Variants in ZDHHC22 observed in about 807,000 individuals in gnomAD.
ZDHHC22 encodes zDHHC palmitoyltransferase 22, also known as palmitoyltransferase ZDHHC22.
In ZDHHC22, 13 loss-of-function variants were observed where a neutral mutation model predicts 17.0. That is an observed-to-expected ratio of 0.76 (90% CI 0.50 to 1.21). The LOEUF is 1.21. Ranked by LOEUF, ZDHHC22 falls within the 50% of genes most tolerant of loss-of-function variation. The pLI is 0.00. For missense variants in ZDHHC22, 319 were observed against 342.3 expected, an observed-to-expected ratio of 0.93 and a Z score of 0.54; for synonymous variants, 138 against 154.7, an observed-to-expected ratio of 0.89 and a Z score of 0.80.
chr14:77,139,638 A>T lies in ZDHHC22; in HGVS notation c.101T>A (p.Met34Lys). ...CCGGGCGGCCGCGGGGTCCTCGCGCATGCTGGGCAGGAAGAGGAAGAGCTG... is the reference window on the plus strand; with the variant it reads ...CCGGGCGGCCGCGGGGTCCTCGCGCTTGCTGGGCAGGAAGAGGAAGAGCTG... ...VLQLFLFLPS[M>K]REDPAAARLF... The change falls in exon 2 of 3, where the codon ATG becomes AAG. Residue 34 changes from methionine to lysine, a missense_variant. Transcript: ENST00000319374. The T allele has an allele frequency of 6.3e-7, 1 of 1,578,814 alleles. No individual in the cohort carries two copies. Among genetic ancestry groups the T allele is most frequent in the East Asian group, 2.3e-5 (1 of 43,426 alleles).
chr14:77,139,050 T>G (rs1887190861), intron 2 of ZDHHC22, among the ~76,000 whole-genome samples, 163 bp downstream of exon 2: 1 of 152,194 alleles, frequency 6.6e-6, no homozygotes, highest in African/African-American at 2.4e-5. Flanking sequence ...ATAATTATAC[T>G]AAAAAATTAT....
Position 77,131,286 on chromosome 14 carries a change from A to G in ZDHHC22, c.*2397T>C, listed in dbSNP as rs1267542102. The G allele has an allele frequency of 6.6e-6, 1 of 152,238 alleles. No homozygotes were observed. The allele number at this position is 152,238 out of a possible 1,614,324, so 9.4% of individuals were successfully genotyped here. A position where few individuals can be genotyped will look rare whatever the true frequency, so the allele number is the denominator to read the frequency against. ...CATATCAAATCCAATTTAAAACCAT[A>G]TATTTTATTGATGTTCTTCAAGGAC... On this transcript the variant is annotated 3_prime_UTR_variant, in exon 3 of 3. Transcript: ENST00000319374.
At position 77,140,977 on chromosome 14, in the gene ZDHHC22, G is replaced by C. The variant is rs1226383918; in HGVS notation, c.-15+626C>G. The C allele has an allele frequency of 6.6e-6, 1 of 152,274 alleles. No homozygotes were observed. Among genetic ancestry groups the C allele is most frequent in the Non-Finnish European group, 1.5e-5 (1 of 68,092 alleles). The allele number at this position is 152,274 out of a possible 1,614,324, so 9.4% of individuals were successfully genotyped here. ...TGCACCTAGGATGGGTGGATGCCAC[G>C]GGGCCTCCGTCCAGGCTGTCCCGTC... On this transcript the variant is annotated intron_variant, in intron 1 of 2. Transcript: ENST00000319374. This position sits in a 1 kb window ranked among gnomAD's most constrained non-coding sequence, Gnocchi z 5.9.
At position 77,132,589 on chromosome 14, in the gene ZDHHC22, T is replaced by C. The variant is rs1374218191; in HGVS notation, c.*1094A>G. The C allele has an allele frequency of 6.6e-6, 1 of 152,180 alleles. No homozygotes were observed. Among genetic ancestry groups the C allele is most frequent in the Admixed American group, 6.5e-5 (1 of 15,268 alleles). The allele number at this position is 152,180 out of a possible 1,614,324, so 9.4% of individuals were successfully genotyped here. A position where few individuals can be genotyped will look rare whatever the true frequency, so the allele number is the denominator to read the frequency against. ...ACAGAAATCCCTTCCACAGCATGCC[T>C]GGCAGACGACTGCCTAGACTCTGCT... is the stretch of plus-strand genomic sequence containing the variant. On this transcript the variant is annotated 3_prime_UTR_variant, in exon 3 of 3. Coordinates refer to ENST00000319374, the MANE Select transcript of ZDHHC22 (RefSeq NM_174976.2).
At chr14:77,134,061 G>T in intron 2 of ZDHHC22, 113 bp from the exon 3 acceptor site, 1 of 1,293,132 alleles carries the variant, frequency 7.7e-7, no homozygotes, top group Non-Finnish European at 1.0e-6. Flanking sequence ...TGAGATTGAC[G>T]CTACATTTTG....
At chr14:77,137,703 A>G (rs1887164918) in intron 2 of ZDHHC22, among the ~76,000 whole-genome samples, 1 of 152,194 alleles carries the variant, frequency 6.6e-6, no homozygotes. Context: ...CTGTGTTCCC[A>G]CTGCCAAATG....
At position 77,139,652 on chromosome 14, in the gene ZDHHC22, G is replaced by A. The variant is rs760432221; in HGVS notation, c.87C>T (p.Leu29=). Residue 29 remains leucine (L), a synonymous_variant, in exon 2 of 3, where the codon CTC becomes CTT. Coordinates refer to ENST00000319374, the MANE Select transcript of ZDHHC22 (RefSeq NM_174976.2). ...GGTCCTCGCGCATGCTGGGCAGGAA[G>A]AGGAAGAGCTGCAGCACGAAGGTCA... ...SLVTFVLQLF[L]FLPSMREDPA... is the part of the protein sequence containing the mutation. 5 of 1,574,850 alleles carry A rather than the reference G, an allele frequency of 3.2e-6. No individual in the cohort carries two copies. Among genetic ancestry groups the A allele is most frequent in the African/African-American group, 2.7e-5 (2 of 74,158 alleles).
In ZDHHC22 at chr14:77,139,506, GC is replaced by G; in HGVS notation, c.232del (p.Ala78ProfsTer28). On this transcript the variant is annotated frameshift_variant, in exon 2 of 3. Coordinates refer to ENST00000319374, the MANE Select transcript of ZDHHC22 (RefSeq NM_174976.2). LOFTEE classifies it high-confidence loss of function. ...VIQNSPDDLG[A>X]CQGASARKTP... ...CTTCCTGGCCGAGGCCCCCTGGCAG[GC>G]CCCCAGGTCGTCTGGGGAGTTCTGG... The G allele has an allele frequency of 6.2e-7, 1 of 1,612,178 alleles. No homozygotes were observed.
rs377376073 is a variant in ZDHHC22, at chr14:77,139,589, G to T, written c.150C>A (p.His50Gln). Residue 50 changes from histidine (H) to glutamine (Q), a missense_variant, in exon 2 of 3, where the codon CAC (histidine) becomes CAA (glutamine). By Grantham distance (24) the His-to-Gln change is conservative (BLOSUM62 0). Transcript: ENST00000319374. ...CCGAGAGGAATAGGAAGAGCGCCCC[G>T]TGGAGCAGGGCGGGCGAGAAGAGCC... ...AARLFSPALLHGALFLFLSAN... is the reference protein window; with the variant it reads ...AARLFSPALLQGALFLFLSAN... 54 of 1,594,390 alleles carry T rather than the reference G, an allele frequency of 3.4e-5. No individual in the cohort carries two copies. Among genetic ancestry groups the T allele is most frequent in the African/African-American group, 6.7e-5 (5 of 74,608 alleles).
In ZDHHC22 at chr14:77,139,601, G is replaced by C. The variant is rs1218978243; in HGVS notation, c.138C>G (p.Pro46=). ...GGAAGAGCGCCCCGTGGAGCAGGGC[G>C]GGCGAGAAGAGCCGGGCGGCCGCGG... The part of the protein sequence containing the change: ...EDPAAARLFS[P]ALLHGALFLF... Residue 46 remains proline (P), a synonymous_variant, in exon 2 of 3, where the codon CCC becomes CCG. Transcript: ENST00000319374. 6.3e-7 allele frequency: 1 copy of C among 1,590,580 alleles called. No homozygotes were observed. Among genetic ancestry groups the C allele is most frequent in the Non-Finnish European group, 8.6e-7 (1 of 1,168,296 alleles).
intron 2 of ZDHHC22, among the ~76,000 whole-genome samples, chr14:77,136,115 G>A (rs1887131345): frequency 6.6e-6 from 1 of 152,078 alleles, no homozygotes; most frequent in Non-Finnish European, 1.5e-5. Flanking sequence ...TACATCCAAG[G>A]ACAAGTAGCT....
chr14:77,140,397 T>G lies in ZDHHC22; in HGVS notation c.-14-645A>C, dbSNP rs1887230487. 1 of 152,230 alleles carries G rather than the reference T, an allele frequency of 6.6e-6. No individual in the cohort carries two copies. Among genetic ancestry groups the G allele is most frequent in the Non-Finnish European group, 1.5e-5 (1 of 68,082 alleles). 9.4% of individuals were successfully genotyped at this position (152,230 alleles called of 1,614,324 possible). On this transcript the variant is annotated intron_variant, in intron 1 of 2. Transcript: ENST00000319374. This position sits in a 1 kb window ranked among gnomAD's most constrained non-coding sequence, Gnocchi z 5.9. ...CTCTGTACGTGTAATCTGTGTGCGCTTGAGTATCTGTATTTGTGTATGTAT... is the reference window on the plus strand; with the variant it reads ...CTCTGTACGTGTAATCTGTGTGCGCGTGAGTATCTGTATTTGTGTATGTAT...
upstream of ZDHHC22, chr14:77,142,029 C>G (rs1887266080): frequency 6.6e-6 from 1 of 152,448 alleles, no homozygotes. Flanking sequence ...CCTTCCCTCT[C>G]GGCTAGGTCC....
intron 2 of ZDHHC22, among the ~76,000 whole-genome samples, chr14:77,137,986 G>A (rs2140052882): frequency 6.6e-6 from 1 of 152,286 alleles, no homozygotes; most frequent in African/African-American, 2.4e-5. Context: ...CTCAGTAGCA[G>A]GAAGACACTG....
chr14:77,134,022 G>C, intron 2 of ZDHHC22, 74 bp from the exon 3 acceptor site: 1 of 1,465,008 alleles, frequency 6.8e-7, no homozygotes, highest in Non-Finnish European at 9.0e-7. Flanking sequence ...GATCTAGGCA[G>C]GCTTTCCACC....
chr14:77,132,173 AAC>A lies in ZDHHC22; in HGVS notation c.*1508_*1509del, dbSNP rs950751016. Reference sequence around the variant, plus strand: ...AGGTCTGGTCCTCTAGGTTTCAGAAAACACACAGCAGTGCCTCCACCGGAGTC... The same window carrying A: ...AGGTCTGGTCCTCTAGGTTTCAGAAAACACAGCAGTGCCTCCACCGGAGTC... On this transcript the variant is annotated 3_prime_UTR_variant, in exon 3 of 3. Transcript: ENST00000319374. 6.6e-6 allele frequency: 1 copy of A among 152,442 alleles called. No homozygotes were observed. Among genetic ancestry groups the A allele is most frequent in the African/African-American group, 2.4e-5 (1 of 41,414 alleles). The allele number at this position is 152,442 out of a possible 1,614,324, so 9.4% of individuals were successfully genotyped here.
At chr14:77,136,754 A>G (rs966547733) in intron 2 of ZDHHC22, among the ~76,000 whole-genome samples, 3 of 152,064 alleles carry the variant, frequency 2.0e-5, no homozygotes, top group Admixed American at 1.3e-4. Context: ...ACAGTTGGGG[A>G]CAGCTCAATT....
chr14:77,134,938 C>G, intron 2 of ZDHHC22, among the ~76,000 whole-genome samples: 1 of 152,318 alleles, frequency 6.6e-6, no homozygotes, highest in South Asian at 2.1e-4. Context: ...ACACTCAGAG[C>G]GGTGCTCCCA....
chr14:77,139,644 G>T lies in ZDHHC22; in HGVS notation c.95C>A (p.Pro32His). 6.3e-7 allele frequency: 1 copy of T among 1,575,974 alleles called. No homozygotes were observed. The highest frequency in any genetic ancestry group is 8.6e-7 in the Non-Finnish European group (1 of 1,160,858). The change falls in exon 2 of 3, where the codon CCC (proline) becomes CAC (histidine). Residue 32 changes from proline (P) to histidine (H), a missense_variant. By Grantham distance (77) the Pro-to-His change is moderately conservative. Transcript: ENST00000319374. ...GGCCGCGGGGTCCTCGCGCATGCTGGGCAGGAAGAGGAAGAGCTGCAGCAC... is the reference window on the plus strand; with the variant it reads ...GGCCGCGGGGTCCTCGCGCATGCTGTGCAGGAAGAGGAAGAGCTGCAGCAC... Reference protein sequence around the residue: ...TFVLQLFLFLPSMREDPAAAR... With the variant: ...TFVLQLFLFLHSMREDPAAAR...
Sources: allele counts gnomAD v4.1 joint callset (sites outside exome capture counted in the v4.1 genomes callset), GRCh38; gene constraint gnomAD v4.1.1; non-coding constraint Gnocchi (gnomAD v3.1); transcripts MANE v1.5; gene names NCBI Gene and HGNC (gene_info 2026-07-23, HGNC 2026-07-21).